Variants in VDAC1 observed in about 807,000 individuals in gnomAD.
VDAC1 encodes the protein voltage dependent anion channel 1.
A neutral mutation model predicts 34.7 loss-of-function variants in VDAC1; 10 were observed. The ratio of observed to expected loss-of-function variants is 0.29; its 90% CI spans 0.18 to 0.49. VDAC1 has a LOEUF of 0.49. VDAC1 is among the 20% of genes least tolerant of loss of function. The pLI, the probability that VDAC1 is intolerant of heterozygous loss-of-function variation, is 0.99. For synonymous variants in VDAC1, 130 were observed against 136.0 expected (o/e 0.96, Z 0.30); for missense variants, 230 against 347.9 (o/e 0.66, Z 2.69).
chr5:134,081,428 C>G, the VDAC1 span, among the ~76,000 whole-genome samples: 2 of 152,370 alleles, frequency 1.3e-5, no homozygotes, highest in Admixed American at 1.3e-4. Context: ...ATCTACCCAC[C>G]TCAGCCTCCC....
At chr5:134,113,999 G>T in the VDAC1 span, among the ~76,000 whole-genome samples, 1 of 152,222 alleles carries the variant, frequency 6.6e-6, no homozygotes, top group Non-Finnish European at 1.5e-5. Flanking sequence ...TTGGAGGATC[G>T]GCTGAGGTCC....
the VDAC1 span, among the ~76,000 whole-genome samples, chr5:134,052,723 G>A: frequency 6.6e-6 from 1 of 152,092 alleles, no homozygotes; most frequent in Non-Finnish European, 1.5e-5. Flanking sequence ...CACTGCCATG[G>A]GCCAGGCGCT....
intron 5 of VDAC1, among the ~76,000 whole-genome samples, chr5:133,987,695 G>C (rs1219026392): frequency 7.3e-6 from 1 of 137,638 alleles, no homozygotes; most frequent in African/African-American, 2.7e-5. Context: ...ATCACCAATG[G>C]ATGTTACTAT....
chr5:134,097,878 T>C, the VDAC1 span, among the ~76,000 whole-genome samples: 1 of 148,656 alleles, frequency 6.7e-6, no homozygotes, highest in African/African-American at 2.5e-5. Flanking sequence ...TCTTTCTTTC[T>C]TTTTTTTTTG....
At chr5:134,081,499 C>T in the VDAC1 span, among the ~76,000 whole-genome samples, 1 of 152,110 alleles carries the variant, frequency 6.6e-6, no homozygotes, top group African/African-American at 2.4e-5. Flanking sequence ...AATTTAGTAC[C>T]AAATGTTTAA....
At chr5:134,071,416 G>T in the VDAC1 span, among the ~76,000 whole-genome samples, 1 of 152,150 alleles carries the variant, frequency 6.6e-6, no homozygotes, top group African/African-American at 2.4e-5. This position sits in a 1 kb window ranked among gnomAD's most constrained non-coding sequence, Gnocchi z 4.1. Context: ...TGCAGGTGGC[G>T]ACATCCTCCT....
the VDAC1 span, among the ~76,000 whole-genome samples, chr5:134,039,486 G>A: frequency 7.6e-5 from 11 of 145,276 alleles, no homozygotes; most frequent in African/African-American, 2.3e-4. Context: ...CTGCCACCAC[G>A]CCCGGCTAAT....
chr5:133,985,624 A>T (rs1009437535), intron 5 of VDAC1, among the ~76,000 whole-genome samples: 1 of 152,220 alleles, frequency 6.6e-6, no homozygotes, highest in African/African-American at 2.4e-5. Context: ...ACTGCACTCC[A>T]GCCTGAGCGA....
At chr5:134,011,867 T>TGACCTCA in the VDAC1 span, among the ~76,000 whole-genome samples, 1 of 151,984 alleles carries the variant, frequency 6.6e-6, no homozygotes, top group Non-Finnish European at 1.5e-5. Flanking sequence ...CTCAAACTCC[T>TGACCTCA]GACCTCAGAT....
the VDAC1 span, among the ~76,000 whole-genome samples, chr5:134,025,598 T>A: frequency 6.6e-6 from 1 of 151,934 alleles, no homozygotes; most frequent in Admixed American, 6.6e-5. Context: ...CTTATTTATT[T>A]ATTTATTTTT....
chr5:134,046,686 G>A, the VDAC1 span, among the ~76,000 whole-genome samples: 1 of 152,114 alleles, frequency 6.6e-6, no homozygotes, highest in Non-Finnish European at 1.5e-5. Context: ...CCCAGTTCTG[G>A]GTTGTTTTGG....
chr5:134,042,209 C>T, the VDAC1 span, among the ~76,000 whole-genome samples: 6 of 152,192 alleles, frequency 3.9e-5, no homozygotes, highest in African/African-American at 1.4e-4. Flanking sequence ...ATGGTGGGCT[C>T]AGGGTCATGG....
chr5:134,093,764 G>A, the VDAC1 span, among the ~76,000 whole-genome samples: 4 of 152,234 alleles, frequency 2.6e-5, no homozygotes, highest in Non-Finnish European at 5.9e-5. Flanking sequence ...TGCACCCACA[G>A]AGTTCTAGGG....
At chr5:134,096,958 C>T in the VDAC1 span, among the ~76,000 whole-genome samples, 1 of 152,252 alleles carries the variant, frequency 6.6e-6, no homozygotes, top group South Asian at 2.1e-4. Flanking sequence ...CTTGCAGCCC[C>T]CTCTGGGGAA....
At chr5:134,055,588 G>GTTTTTTTTTTTTTTTTTTTTTTTTTT in the VDAC1 span, among the ~76,000 whole-genome samples, 3 of 59,616 alleles carry the variant, frequency 5.0e-5, no homozygotes, top group Non-Finnish European at 5.8e-5. Flanking sequence ...CCCCGCTAAT[G>GTTTTTTTTTTTTTTTTTTTTTTTTTT]TTTTTTTTTT....
the VDAC1 span, among the ~76,000 whole-genome samples, chr5:134,052,976 G>A: frequency 3.3e-5 from 5 of 152,136 alleles, no homozygotes; most frequent in East Asian, 5.8e-4. Flanking sequence ...TCAGCTGGGC[G>A]TGGTGGTGCA....
At chr5:134,038,131 C>T in the VDAC1 span, among the ~76,000 whole-genome samples, 20 of 152,042 alleles carry the variant, frequency 1.3e-4, no homozygotes, top group Non-Finnish European at 2.5e-4. Flanking sequence ...AGGAAACAAG[C>T]ACATAAACAA....
the VDAC1 span, among the ~76,000 whole-genome samples, chr5:134,012,588 A>G: frequency 6.6e-6 from 1 of 152,198 alleles, no homozygotes; most frequent in Non-Finnish European, 1.5e-5. Context: ...AGCATCATCT[A>G]TGTGACACAA....
In VDAC1 at chr5:133,980,870, G is replaced by A; in HGVS notation, c.410C>T (p.Ser137Phe). The A allele has an allele frequency of 6.2e-7, 1 of 1,613,996 alleles. No individual in the cohort carries two copies. ...CDMDFDIAGP[S>F]IRGALVLGYE... ...ACCTAGCACCAGAGCACCCCGGATG[G>A]AAGGCCCAGCAATGTCGAAATCCAT... Residue 137 changes from serine to phenylalanine, a missense_variant, in exon 6 of 9, where the codon TCC (serine) becomes TTC (phenylalanine). Physicochemically the swap from Ser to Phe is radical, Grantham distance 155 (BLOSUM62 -2). Coordinates refer to ENST00000265333, the MANE Select transcript of VDAC1 (RefSeq NM_003374.3).
Sources: allele counts gnomAD v4.1 joint callset (sites outside exome capture counted in the v4.1 genomes callset), GRCh38; gene constraint gnomAD v4.1.1; non-coding constraint Gnocchi (gnomAD v3.1); transcripts MANE v1.5; gene names NCBI Gene and HGNC (gene_info 2026-07-23, HGNC 2026-07-21).